The following MTFR1 variants were observed in gnomAD, a reference collection of about 807,000 sequenced individuals.
The protein encoded by MTFR1 is chondrocyte protein with a poly-proline region.
Under a neutral mutation model 38.8 loss-of-function variants are expected in MTFR1, and 28 were observed. The ratio of observed to expected loss-of-function variants is 0.72; its 90% confidence interval spans 0.53 to 0.99. The LOEUF (loss-of-function observed/expected upper bound fraction) is 0.99. MTFR1 is among the 50% of genes least tolerant of loss of function. MTFR1 has a pLI of 0.00. For missense variants in MTFR1, 358 were observed against 395.5 expected (o/e 0.91, Z 0.81); for synonymous variants, 145 against 137.0 (o/e 1.06, Z -0.41).
chr8:65,672,515 CT>C (rs199668673), intron 2 of MTFR1, among the ~76,000 whole-genome samples: 33 of 148,320 alleles, frequency 2.2e-4, no homozygotes, highest in African/African-American at 5.2e-4. Context: ...CAGTGAATCA[CT>C]TTTTTTTTTT....
chr8:65,769,508 A>G (rs1222478356), intron 3 of MTFR1, among the ~76,000 whole-genome samples: 1 of 152,214 alleles, frequency 6.6e-6, no homozygotes, highest in Admixed American at 6.5e-5. Context: ...AACCACGAAT[A>G]CAAGTTAGTT....
At position 65,693,751 on chromosome 8, in the gene MTFR1, A is replaced by G. The variant is rs563284441; in HGVS notation, c.273A>G (p.Ala91=). ...CCAAAGAAGAAGGAGAGTGTTCAGC[A>G]AGACTAAGGTTAGTTTGGAAGGCTA... The part of the protein sequence containing the change: ...WVAKEEGECS[A]RLRTEVRSRP... Residue 91 remains alanine (A), a synonymous_variant, in exon 4 of 8, where the codon GCA becomes GCG. Coordinates refer to ENST00000262146, the MANE Select transcript of MTFR1 (RefSeq NM_014637.4). The G allele has an allele frequency of 1.2e-6, 2 of 1,613,650 alleles. No individual in the cohort carries two copies. The highest frequency in any genetic ancestry group is 1.3e-5 in the African/African-American group (1 of 75,052).
rs1051511335 is a variant in MTFR1, at chr8:65,709,803, A to T, written c.*759A>T. On this transcript the variant is annotated 3_prime_UTR_variant, in exon 8 of 8. Coordinates refer to ENST00000262146, the MANE Select transcript of MTFR1 (RefSeq NM_014637.4). ...TTATTGAATTAAATTTCTTCTTAAG[A>T]AGTAAAAACTCAGAATGTACCATCT... is the stretch of plus-strand genomic sequence containing the variant. The T allele has an allele frequency of 6.5e-6, 1 of 152,676 alleles. No homozygotes were observed. The highest frequency in any genetic ancestry group is 1.5e-5 in the Non-Finnish European group (1 of 68,036). 9.5% of individuals were successfully genotyped at this position (152,676 alleles called of 1,614,324 possible).
At chr8:65,737,839 C>T (rs1807216366) in intron 3 of MTFR1, among the ~76,000 whole-genome samples, 2 of 152,072 alleles carry the variant, frequency 1.3e-5, no homozygotes, top group Non-Finnish European at 2.9e-5. Context: ...ATTAAATGTC[C>T]CCACCAGCAA....
intron 3 of MTFR1, among the ~76,000 whole-genome samples, chr8:65,737,565 C>A (rs1028755700): frequency 1.3e-5 from 2 of 152,108 alleles, no homozygotes; most frequent in Non-Finnish European, 2.9e-5. Flanking sequence ...AGTACAGTGG[C>A]GCGATCTCGG....
intron 1 of MTFR1, among the ~76,000 whole-genome samples, chr8:65,645,201 A>C (rs1808920451): frequency 6.6e-6 from 1 of 152,168 alleles, no homozygotes; most frequent in South Asian, 2.1e-4. Flanking sequence ...CTGCGCCCTT[A>C]ACGGGCTCAG....
chr8:65,663,749 C>T (rs1043682514), intron 1 of MTFR1, among the ~76,000 whole-genome samples: 3 of 150,352 alleles, frequency 2.0e-5, no homozygotes, highest in African/African-American at 7.3e-5. Flanking sequence ...TAGGCAGTTT[C>T]TTTCCCCCTC....
intron 3 of MTFR1, among the ~76,000 whole-genome samples, chr8:65,760,213 C>G (rs1426995784): frequency 1.3e-5 from 2 of 151,658 alleles, no homozygotes; most frequent in Non-Finnish European, 3.0e-5. Context: ...GCACTCCAGC[C>G]TGGGCAAGAG....
chr8:65,672,574 A>C (rs779841777), intron 2 of MTFR1, among the ~76,000 whole-genome samples: 6 of 151,916 alleles, frequency 3.9e-5, no homozygotes, highest in Non-Finnish European at 5.9e-5. Flanking sequence ...ACAGTGGCGC[A>C]GTCTTGGCTC....
intron 2 of MTFR1, among the ~76,000 whole-genome samples, chr8:65,675,769 A>AAAGC (rs1229660225): frequency 6.6e-6 from 1 of 152,234 alleles, no homozygotes; most frequent in Admixed American, 6.5e-5. Context: ...GGCTAATTTT[A>AAAGC]AAGCCAGGCC....
In MTFR1 at chr8:65,709,770, G is replaced by T. The variant is rs1043101308; in HGVS notation, c.*726G>T. 3 of 152,638 alleles carry T rather than the reference G, an allele frequency of 2.0e-5. No individual in the cohort carries two copies. Among genetic ancestry groups the T allele is most frequent in the African/African-American group, 7.2e-5 (3 of 41,462 alleles). 9.5% of individuals were successfully genotyped at this position (152,638 alleles called of 1,614,324 possible). A position where few individuals can be genotyped will look rare whatever the true frequency, so the allele number is the denominator to read the frequency against. ...AAAGATGTAGTTTTCCAGTAGTGATGAATCAAATTATTGAATTAAATTTCT... is the reference window on the plus strand; with the variant it reads ...AAAGATGTAGTTTTCCAGTAGTGATTAATCAAATTATTGAATTAAATTTCT... On this transcript the variant is annotated 3_prime_UTR_variant, in exon 8 of 8. Transcript: ENST00000262146.
At chr8:65,775,727 G>A (rs370298687), downstream of MTFR1, among the ~76,000 whole-genome samples, 9 of 152,076 alleles carry the variant, frequency 5.9e-5, no homozygotes, top group South Asian at 2.1e-4. Flanking sequence ...TCCCAGGTTC[G>A]AGTGATTCTC....
chr8:65,745,419 T>G, intron 3 of MTFR1: 1 of 1,560,824 alleles, frequency 6.4e-7, no homozygotes, highest in South Asian at 1.1e-5. Flanking sequence ...TTTGTTAGTC[T>G]ATCAAATAGA....
chr8:65,657,666 C>T (rs1258104594), intron 1 of MTFR1, among the ~76,000 whole-genome samples: 3 of 151,114 alleles, frequency 2.0e-5, no homozygotes, highest in Middle Eastern at 3.2e-3. Context: ...GATCATGCCA[C>T]TGCACTCCAG....
chr8:65,774,845 A>G (rs1469734113), downstream of MTFR1, among the ~76,000 whole-genome samples: 1 of 152,182 alleles, frequency 6.6e-6, no homozygotes, highest in Non-Finnish European at 1.5e-5. Context: ...CTGCTAATAC[A>G]CTGAATTTAC....
intron 3 of MTFR1, among the ~76,000 whole-genome samples, chr8:65,758,525 TGTG>T (rs1808343694): frequency 6.6e-6 from 1 of 152,188 alleles, no homozygotes; most frequent in Non-Finnish European, 1.5e-5. Flanking sequence ...ACACAAATCT[TGTG>T]GGGACACTCC....
At chr8:65,714,843 C>T (rs955621876), downstream of MTFR1, 1 of 152,176 alleles carries the variant, frequency 6.6e-6, no homozygotes, top group Non-Finnish European at 1.5e-5. Flanking sequence ...TTACTAGCAC[C>T]TCTAATCTGT....
At chr8:65,708,209 CT>C (rs576156411) in intron 7 of MTFR1, 198 bp downstream of exon 7, 7 of 1,056,496 alleles carry the variant, frequency 6.6e-6, no homozygotes, top group African/African-American at 1.6e-5. Flanking sequence ...TACACTTTTA[CT>C]TTTCTAACTA....
At chr8:65,653,563 A>T (rs1809177162) in intron 1 of MTFR1, among the ~76,000 whole-genome samples, 1 of 152,154 alleles carries the variant, frequency 6.6e-6, no homozygotes, top group South Asian at 2.1e-4. Flanking sequence ...AAATTAAAAC[A>T]TTAAGAGCAT....
Sources: allele counts gnomAD v4.1 joint callset (sites outside exome capture counted in the v4.1 genomes callset), GRCh38; gene constraint gnomAD v4.1.1; transcripts MANE v1.5; gene names NCBI Gene and HGNC (gene_info 2026-07-23, HGNC 2026-07-21).